PDE4D: variants seen among roughly 807,000 people sequenced by gnomAD.
The protein encoded by PDE4D is phosphodiesterase 4D, also known as 3',5'-cyclic-AMP phosphodiesterase 4D.
PDE4D carries 24 observed loss-of-function variants against 87.4 expected under a neutral mutation model. The ratio of observed to expected loss-of-function variants is 0.27; its 90% CI spans 0.20 to 0.39. The LOEUF (loss-of-function observed/expected upper bound fraction) is 0.39. Ranked by LOEUF, PDE4D falls within the 10% of genes least tolerant of loss-of-function variation. PDE4D has a pLI of 1.00. For missense variants in PDE4D, 714 were observed against 1,041.0 expected (o/e 0.69, Z 4.32); for synonymous variants, 384 against 383.2 (o/e 1.00, Z -0.02).
At chr5:59,693,955 T>C (rs72751218) in intron 1 of PDE4D, among the ~76,000 whole-genome samples, 28,092 of 152,008 alleles carry the variant, frequency 0.18, 3,178 homozygotes, top group South Asian at 0.26. Flanking sequence ...GGTTGATGCC[T>C]TAAGGGCTAA....
rs1700817454 is a variant in PDE4D, at chr5:59,696,916, A to G, written c.455+196252T>C. Among the ~76,000 whole-genome samples, 4 of 152,334 alleles carry G rather than the reference A, an allele frequency of 2.6e-5. No homozygotes were observed. In the South Asian group the frequency reaches 8.3e-4, roughly 32 times the overall value. ...GAAAGAGATACACATATGAGAAGTAAAAAACAGAAAAAAGACCACATCAAT... is the reference window on the plus strand; with the variant it reads ...GAAAGAGATACACATATGAGAAGTAGAAAACAGAAAAAAGACCACATCAAT... On this transcript the variant is annotated intron_variant, in intron 1 of 14. Transcript: ENST00000340635.
intron 11 of PDE4D, among the ~76,000 whole-genome samples, chr5:58,987,134 TC>T (rs1746635534): frequency 6.6e-6 from 1 of 152,184 alleles, no homozygotes; most frequent in Non-Finnish European, 1.5e-5. Flanking sequence ...TCCCTGCTCT[TC>T]TTAGAAAGGA....
chr5:59,737,165 T>C lies in PDE4D; in HGVS notation c.455+156003A>G, dbSNP rs559107156. The stretch of plus-strand genomic sequence containing the variant: ...AATTAATTATAGCACTATTGTCTAA[T>C]TGAGTACAATGACTTTGATGACATA... On this transcript the variant is annotated intron_variant, in intron 1 of 14. Coordinates refer to ENST00000340635, the MANE Select transcript of PDE4D (RefSeq NM_001104631.2). Among the ~76,000 whole-genome samples the C allele has an allele frequency of 2.6e-5, 4 of 152,300 alleles. No individual in the cohort carries two copies. In the South Asian group the frequency reaches 6.2e-4, roughly 24 times the overall value.
chr5:58,993,185 A>G (rs1748314983), intron 7 of PDE4D, among the ~76,000 whole-genome samples, 187 bp downstream of exon 7: 1 of 152,178 alleles, frequency 6.6e-6, no homozygotes, highest in East Asian at 1.9e-4. Flanking sequence ...AAGAAAATGT[A>G]CCTTGTCACC....
intron 3 of PDE4D, among the ~76,000 whole-genome samples, chr5:59,912,097 G>C (rs569481796): frequency 2.6e-5 from 4 of 152,282 alleles, no homozygotes; most frequent in South Asian, 2.1e-4. Flanking sequence ...GGCAGTGTGA[G>C]TCTGAATGAT....
At chr5:59,474,777 A>G (rs1803031206) in intron 1 of PDE4D, among the ~76,000 whole-genome samples, 1 of 152,136 alleles carries the variant, frequency 6.6e-6, no homozygotes, top group Admixed American at 6.6e-5. Flanking sequence ...AAAATTAATC[A>G]AAATAATAAA....
chr5:59,923,213 T>C (rs1174498000), intron 3 of PDE4D, among the ~76,000 whole-genome samples: 1 of 152,202 alleles, frequency 6.6e-6, no homozygotes, highest in African/African-American at 2.4e-5. Flanking sequence ...AGGTAGCTTC[T>C]TAAGATTTCT....
chr5:59,237,835 G>A (rs905837814), intron 1 of PDE4D, among the ~76,000 whole-genome samples: 1 of 150,556 alleles, frequency 6.6e-6, no homozygotes, highest in Non-Finnish European at 1.5e-5. Context: ...TCAGTGATAT[G>A]AAATGTGTAA....
At chr5:60,129,328 T>C (rs1276461613) in intron 2 of PDE4D, among the ~76,000 whole-genome samples, 2 of 152,090 alleles carry the variant, frequency 1.3e-5, no homozygotes, top group African/African-American at 4.8e-5. Context: ...GGGCCAACAA[T>C]GGTATAATAA....
chr5:59,823,832 T>G (rs531090495), intron 1 of PDE4D, among the ~76,000 whole-genome samples: 1 of 149,072 alleles, frequency 6.7e-6, no homozygotes, highest in Non-Finnish European at 1.5e-5. Context: ...TTGGGACCTT[T>G]GCTATTTTTC....
chr5:59,156,741 T>C (rs1453458235), intron 5 of PDE4D, among the ~76,000 whole-genome samples: 3 of 152,072 alleles, frequency 2.0e-5, no homozygotes, highest in Non-Finnish European at 2.9e-5. Context: ...ATATTTTATA[T>C]ATTTATGGTA....
chr5:59,818,022 T>A (rs974962094), intron 1 of PDE4D, among the ~76,000 whole-genome samples: 2 of 152,052 alleles, frequency 1.3e-5, no homozygotes, highest in African/African-American at 4.8e-5. Flanking sequence ...GAGAGGTGGT[T>A]AGGGAGACAC....
intron 1 of PDE4D, among the ~76,000 whole-genome samples, chr5:60,433,074 A>G (rs967432241): frequency 6.6e-6 from 1 of 152,254 alleles, no homozygotes; most frequent in African/African-American, 2.4e-5. Context: ...ACAAAAATTG[A>G]CAAGTGGGAC....
At chr5:60,392,786 T>A (rs968703613) in intron 1 of PDE4D, among the ~76,000 whole-genome samples, 3 of 152,172 alleles carry the variant, frequency 2.0e-5, no homozygotes, top group African/African-American at 7.2e-5. Context: ...AAAAAAAAAT[T>A]TAAGCAAAAT....
chr5:59,165,614 C>T (rs1781813610), intron 5 of PDE4D, among the ~76,000 whole-genome samples: 1 of 152,118 alleles, frequency 6.6e-6, no homozygotes, highest in Non-Finnish European at 1.5e-5. Flanking sequence ...CATGAACTCC[C>T]TATGAGATAA....
At chr5:59,392,726 C>T (rs1168063020) in intron 1 of PDE4D, among the ~76,000 whole-genome samples, 3 of 152,050 alleles carry the variant, frequency 2.0e-5, no homozygotes, top group Non-Finnish European at 4.4e-5. Flanking sequence ...CCCTCCTTGC[C>T]CAGGATCCCC....
At chr5:59,742,210 T>G (rs1411270505) in intron 1 of PDE4D, among the ~76,000 whole-genome samples, 1 of 152,082 alleles carries the variant, frequency 6.6e-6, no homozygotes, top group Non-Finnish European at 1.5e-5. Context: ...ATTACAGGCA[T>G]GCACTACCAT....
intron 1 of PDE4D, among the ~76,000 whole-genome samples, chr5:60,497,550 A>T (rs1583938500): frequency 6.6e-6 from 1 of 151,962 alleles, no homozygotes; most frequent in African/African-American, 2.4e-5. Context: ...TCATAGGCAC[A>T]TGCCACTAAG....
Position 58,975,876 on chromosome 5 carries a change from T to C in PDE4D, c.1831-37A>G. The C allele has an allele frequency of 7.8e-7, 1 of 1,282,970 alleles. No homozygotes were observed. Among genetic ancestry groups the C allele is most frequent in the Non-Finnish European group, 1.0e-6 (1 of 993,592 alleles). The allele number at this position is 1,282,970 out of a possible 1,614,324, so 79.5% of individuals were successfully genotyped here. A position where few individuals can be genotyped will look rare whatever the true frequency, so the allele number is the denominator to read the frequency against. ...GGATGCATTCTCTATTCACTCCTGT[T>C]CCTTTTTTTTAAAAAAAAAAACAAA... On this transcript the variant is annotated intron_variant, in intron 13 of 14. Transcript: ENST00000340635. The surrounding 1 kb of genome is among the most constrained non-coding windows in gnomAD (Gnocchi z 4.2).
Sources: gnomAD v4.1 joint callset for allele counts (sites outside exome capture counted in the v4.1 genomes callset) on GRCh38, gnomAD v4.1.1 for gene constraint, Gnocchi (gnomAD v3.1) non-coding constraint, MANE v1.5 for transcripts, NCBI Gene and HGNC (gene_info 2026-07-23, HGNC 2026-07-21) for gene names.